KRT86: variants seen among roughly 807,000 people sequenced by gnomAD.
KRT86 encodes the protein keratin, type II cuticular Hb6.
Under a neutral mutation model 41.2 loss-of-function variants are expected in KRT86, and 30 were observed. The observed-to-expected ratio is 0.73, with a 90% CI of 0.54 to 0.99. KRT86 has a LOEUF of 0.99. Ranked by LOEUF, KRT86 falls within the 50% of genes least tolerant of loss-of-function variation. The pLI, the probability that KRT86 is intolerant of heterozygous loss-of-function variation, is 0.00. For missense variants in KRT86, 561 were observed against 571.4 expected, an observed-to-expected ratio of 0.98 and a Z score of 0.19; for synonymous variants, 238 against 238.1, an observed-to-expected ratio of 1.00 and a Z score of 0.00.
chr12:52,302,169 G>A lies in KRT86; in HGVS notation c.253G>A (p.Glu85Lys), dbSNP rs1239206562. 5 of 1,443,644 alleles carry A rather than the reference G, an allele frequency of 3.5e-6. No homozygotes were observed. The highest frequency in any genetic ancestry group is 9.4e-7 in the Non-Finnish European group (1 of 1,066,634). The allele number at this position is 1,443,644 out of a possible 1,614,324, so 89.4% of individuals were successfully genotyped here. The change falls in exon 3 of 11, where the codon GAG (glutamate) becomes AAG (lysine). Residue 85 changes from glutamate to lysine, a missense_variant. Transcript: ENST00000423955. Reference sequence around the variant, plus strand: ...ATGCATCACCACCGTGTCGGTCAACGAGAGCCTCCTCACGCCCCTCAACCT... The same window carrying A: ...ATGCATCACCACCGTGTCGGTCAACAAGAGCCTCCTCACGCCCCTCAACCT... Reference protein sequence around the residue: ...PPCITTVSVNESLLTPLNLEI... With the variant: ...PPCITTVSVNKSLLTPLNLEI...
rs1271571961 is a variant in KRT86 at position 52,308,511 on chromosome 12, G to A, written c.1387G>A (p.Val463Met). 4.4e-6 allele frequency: 7 copies of A among 1,606,590 alleles called. No homozygotes were observed. In the African/African-American group the frequency reaches 9.3e-5, roughly 21 times the overall value. The stretch of plus-strand genomic sequence containing the variant: ...TAGCGTCCCCAGCAACAGCAACGTG[G>A]TGGTGGGCACTACTAACGCCTGCGC... ...VSSVPSNSNV[V>M]VGTTNACAPS... The change falls in exon 11 of 11, where the codon GTG becomes ATG. Residue 463 changes from valine to methionine, a missense_variant. Transcript: ENST00000423955.
At chr12:52,298,524 A>G (rs538048353) in intron 2 of KRT86, among the ~76,000 whole-genome samples, 7 of 152,320 alleles carry the variant, frequency 4.6e-5, no homozygotes, top group Non-Finnish European at 8.8e-5. Flanking sequence ...AGCAACAACA[A>G]CAACAACTAA....
Position 52,308,450 on chromosome 12 carries a change from C to G in KRT86, c.1326C>G (p.Ala442=). The change falls in exon 11 of 11, where the codon GCC becomes GCG. Residue 442 remains alanine (A), a synonymous_variant. Coordinates refer to ENST00000423955, the MANE Select transcript of KRT86 (RefSeq NM_001320198.2). ...GCGTTGTCTGTGGCGATCTCTGCGCCTCCACTACTGCCCCTGTTGTCTCCA... is the reference window on the plus strand; with the variant it reads ...GCGTTGTCTGTGGCGATCTCTGCGCGTCCACTACTGCCCCTGTTGTCTCCA... The part of the protein sequence containing the change: ...RGGVVCGDLC[A]STTAPVVSTR... The G allele has an allele frequency of 6.2e-7, 1 of 1,611,988 alleles. No individual in the cohort carries two copies. The highest frequency in any genetic ancestry group is 8.5e-7 in the Non-Finnish European group (1 of 1,179,824).
At chr12:52,300,953 C>T (rs1229030597) in intron 2 of KRT86, among the ~76,000 whole-genome samples, 6 of 152,126 alleles carry the variant, frequency 3.9e-5, no homozygotes. Flanking sequence ...CTAGTGTGTG[C>T]TCCTGAGGCC....
chr12:52,306,126 C>T lies in KRT86; in HGVS notation c.1093C>T (p.Arg365Cys), dbSNP rs201833908. ...GGGTGAGGCGGCCCTCAGCGATGCC[C>T]GCTGCAAGTTGGCCGAGCTGGAGGG... is the stretch of plus-strand genomic sequence containing the variant. Reference protein sequence around the residue: ...QQGEAALSDARCKLAELEGAL... With the variant: ...QQGEAALSDACCKLAELEGAL... The change falls in exon 9 of 11, where the codon CGC becomes TGC. Residue 365 changes from arginine (R) to cysteine (C), a missense_variant. By Grantham distance (180) the Arg-to-Cys change is radical. This residue lies in a region of KRT86 where 397 missense variants were observed against 375.9 expected (regional missense o/e 1.06). Transcript: ENST00000423955. 127 of 1,614,008 alleles carry T rather than the reference C, an allele frequency of 7.9e-5. No individual in the cohort carries two copies. The African/African-American group carries it at 1.3e-3, about 16-fold the overall frequency.
chr12:52,308,743 C>G lies in KRT86; in HGVS notation c.*158C>G. 1.4e-6 allele frequency: 1 copy of G among 691,300 alleles called. No individual in the cohort carries two copies. Among genetic ancestry groups the G allele is most frequent in the Non-Finnish European group, 2.4e-6 (1 of 416,430 alleles). The allele number at this position is 691,300 out of a possible 1,614,324, so 42.8% of individuals were successfully genotyped here. A position where few individuals can be genotyped will look rare whatever the true frequency, so the allele number is the denominator to read the frequency against. ...CACCGCTCCGCTCCGGGAGCCATCC[C>G]CGGTCGCAGGAGTCCGGGGAGGGCC... On this transcript the variant is annotated 3_prime_UTR_variant, in exon 11 of 11. Coordinates refer to ENST00000423955, the MANE Select transcript of KRT86 (RefSeq NM_001320198.2).
chr12:52,292,591 T>C (rs543081219), intron 2 of KRT86, among the ~76,000 whole-genome samples: 16 of 152,266 alleles, frequency 1.1e-4, no homozygotes, highest in South Asian at 4.1e-4. Context: ...ACTATCCACA[T>C]TTTGAGTCCT....
At position 52,308,271 on chromosome 12, in the gene KRT86, A is replaced by G; in HGVS notation, c.1279+7A>G. On this transcript the variant is annotated splice_region_variant and intron_variant, in intron 10 of 10. Transcript: ENST00000423955. ...GTCGGCTCGGTGAATGTCTGTAAGT[A>G]GTGGGGTCCGTCCCCTCCTCCCGCT... is the stretch of plus-strand genomic sequence containing the variant. 1.9e-6 allele frequency: 3 copies of G among 1,614,148 alleles called. No individual in the cohort carries two copies. The highest frequency in any genetic ancestry group is 1.1e-5 in the South Asian group (1 of 91,084).
chr12:52,287,012 G>A, intron 2 of KRT86: 1 of 1,606,034 alleles, frequency 6.2e-7, no homozygotes, highest in South Asian at 1.1e-5. Context: ...TTTTCCCCCA[G>A]AGCCCTGGCC....
intron 10 of KRT86, 47 bp downstream of exon 10, chr12:52,308,311 G>T (rs767225048): frequency 1.2e-6 from 2 of 1,613,890 alleles, no homozygotes; most frequent in South Asian, 2.2e-5. Context: ...GGGTCTGGGA[G>T]CCTCTGGGCA....
In KRT86 at chr12:52,308,513, G is replaced by C. The variant is rs374122056; in HGVS notation, c.1389G>C (p.Val463=). The change falls in exon 11 of 11, where the codon GTG becomes GTC. Residue 463 remains valine (V), a synonymous_variant. Coordinates refer to ENST00000423955, the MANE Select transcript of KRT86 (RefSeq NM_001320198.2). ...GCGTCCCCAGCAACAGCAACGTGGT[G>C]GTGGGCACTACTAACGCCTGCGCCC... ...VSSVPSNSNV[V]VGTTNACAPS... The C allele has an allele frequency of 1.2e-6, 2 of 1,606,282 alleles. No individual in the cohort carries two copies. Among genetic ancestry groups the C allele is most frequent in the African/African-American group, 2.7e-5 (2 of 74,944 alleles).
chr12:52,296,794 T>A (rs1938261243), intron 2 of KRT86, among the ~76,000 whole-genome samples: 1 of 152,224 alleles, frequency 6.6e-6, no homozygotes, highest in Non-Finnish European at 1.5e-5. Flanking sequence ...CTGCACCTGC[T>A]TTCTATGAGT....
chr12:52,299,831 T>C (rs1246261695), intron 2 of KRT86, among the ~76,000 whole-genome samples: 1 of 152,264 alleles, frequency 6.6e-6, no homozygotes, highest in Non-Finnish European at 1.5e-5. Context: ...TCCTTATATA[T>C]TGCAGCTACG....
At chr12:52,280,799 T>G (rs549756070) in intron 2 of KRT86, among the ~76,000 whole-genome samples, 7 of 152,334 alleles carry the variant, frequency 4.6e-5, no homozygotes, top group African/African-American at 1.7e-4. Flanking sequence ...TGCATTTTGC[T>G]AGGGGATCAT....
intron 2 of KRT86, among the ~76,000 whole-genome samples, chr12:52,282,325 C>T (rs1408852881): frequency 3.3e-5 from 5 of 151,562 alleles, no homozygotes; most frequent in Admixed American, 1.3e-4. Context: ...CTCCGCCTCC[C>T]GGGTTCACAC....
intron 5 of KRT86, among the ~76,000 whole-genome samples, 173 bp downstream of exon 5, chr12:52,304,344 G>C (rs1344558180): frequency 9.0e-6 from 1 of 111,474 alleles, no homozygotes; most frequent in African/African-American, 3.5e-5. Flanking sequence ...CCTTGACAAA[G>C]GGCAATGACT....
At position 52,275,875 on chromosome 12, in the gene KRT86, A is replaced by C; in HGVS notation, c.-76A>C. ...ACACACGCAGAGCCTGAAGCCCAGC[A>C]AGGAGGATCTGAACAGGCTTAATCA... On this transcript the variant is annotated 5_prime_UTR_variant, in exon 2 of 11. Coordinates refer to ENST00000423955, the MANE Select transcript of KRT86 (RefSeq NM_001320198.2). 2 of 985,990 alleles carry C rather than the reference A, an allele frequency of 2.0e-6. No homozygotes were observed. Among genetic ancestry groups the C allele is most frequent in the Non-Finnish European group, 2.4e-6 (2 of 829,976 alleles). 61.1% of individuals were successfully genotyped at this position (985,990 alleles called of 1,614,324 possible).
intron 2 of KRT86, among the ~76,000 whole-genome samples, chr12:52,293,201 T>C (rs1938175242): frequency 6.6e-6 from 1 of 152,238 alleles, no homozygotes; most frequent in South Asian, 2.1e-4. Context: ...AGAATATGTT[T>C]CTTTTTAATT....
At chr12:52,294,591 T>C (rs1938206368) in intron 2 of KRT86, among the ~76,000 whole-genome samples, 2 of 152,166 alleles carry the variant, frequency 1.3e-5, no homozygotes, top group Non-Finnish European at 2.9e-5. Context: ...TTTGTGGAGA[T>C]AACAATTATT....
Sources: gnomAD v4.1 joint callset for allele counts (sites outside exome capture counted in the v4.1 genomes callset) on GRCh38, gnomAD v4.1.1 for gene constraint, gnomAD v4.1.1 regional missense constraint, MANE v1.5 for transcripts, NCBI Gene and HGNC (gene_info 2026-07-23, HGNC 2026-07-21) for gene names.